Variants in GABRG3 observed in about 807,000 individuals in gnomAD.
GABRG3 encodes gamma-aminobutyric acid receptor subunit gamma-3.
A neutral mutation model predicts 48.8 loss-of-function variants in GABRG3; 25 were observed. The ratio of observed to expected loss-of-function variants is 0.51; its 90% confidence interval spans 0.37 to 0.72. GABRG3 has a LOEUF of 0.72. Ranked by LOEUF, GABRG3 falls within the 30% of genes least tolerant of loss-of-function variation. The pLI is 0.00. For synonymous variants in GABRG3, 227 were observed against 217.6 expected (o/e 1.04, Z -0.38); for missense variants, 394 against 577.9 (o/e 0.68, Z 3.26).
intron 3 of GABRG3, among the ~76,000 whole-genome samples, chr15:27,072,292 C>G (rs9330236): frequency 0.21 from 31,399 of 152,136 alleles, 3,400 homozygotes; most frequent in Middle Eastern, 0.27. Context: ...TTGTGAGGTA[C>G]ATCAACTTTG....
At chr15:27,342,174 C>T (rs139931178) in intron 5 of GABRG3, among the ~76,000 whole-genome samples, 10 of 152,340 alleles carry the variant, frequency 6.6e-5, no homozygotes, top group African/African-American at 2.2e-4. Context: ...GGCCAAAGAA[C>T]AGTGAGGATC....
chr15:27,085,591 C>T (rs1442528783), intron 3 of GABRG3, among the ~76,000 whole-genome samples: 1 of 152,142 alleles, frequency 6.6e-6, no homozygotes, highest in Non-Finnish European at 1.5e-5. Context: ...TAGAAGGTTG[C>T]TGTTTTCCCT....
intron 3 of GABRG3, among the ~76,000 whole-genome samples, chr15:27,239,026 G>A (rs1890059497): frequency 6.6e-6 from 1 of 152,196 alleles, no homozygotes; most frequent in Non-Finnish European, 1.5e-5. Flanking sequence ...GTGGAATGAA[G>A]CATTACAATG....
chr15:27,098,951 G>A (rs926361557), intron 3 of GABRG3, among the ~76,000 whole-genome samples: 4 of 152,022 alleles, frequency 2.6e-5, no homozygotes, highest in African/African-American at 9.7e-5. Context: ...GTGACCTTGG[G>A]ACTTAAGGGA....
intron 5 of GABRG3, among the ~76,000 whole-genome samples, chr15:27,413,617 T>A (rs983939912): frequency 6.6e-5 from 10 of 152,170 alleles, no homozygotes; most frequent in East Asian, 3.9e-4. Flanking sequence ...CCCTTTTTTT[T>A]AAAACTGCAT....
At chr15:27,113,957 T>C (rs1232156874) in intron 3 of GABRG3, among the ~76,000 whole-genome samples, 1 of 152,212 alleles carries the variant, frequency 6.6e-6, no homozygotes, top group African/African-American at 2.4e-5. Context: ...GACCAACATA[T>C]TTAAAAAATA....
chr15:27,366,620 C>G (rs552684573), intron 5 of GABRG3, among the ~76,000 whole-genome samples: 1 of 152,114 alleles, frequency 6.6e-6, no homozygotes, highest in African/African-American at 2.4e-5. Context: ...GGTTAAGGAA[C>G]GAACCCAAGC....
In GABRG3 at chr15:26,974,849, A is replaced by T. The variant is rs1319917246; in HGVS notation, c.54-2153A>T. ...ACACGAAATATTTTTTAAATTTATT[A>T]TTATTATTATTATTATTATTATTAT... On this transcript the variant is annotated intron_variant, in intron 1 of 9. Transcript: ENST00000615808. The surrounding 1 kb of genome is among the most constrained non-coding windows in gnomAD (Gnocchi z 4.3). Among the ~76,000 whole-genome samples the T allele has an allele frequency of 4.0e-5, 2 of 49,778 alleles. No homozygotes were observed. The highest frequency in any genetic ancestry group is 7.1e-5 in the Non-Finnish European group (2 of 28,060). The allele number at this position is 49,778 out of a possible 152,430, so 32.7% of individuals were successfully genotyped here.
rs17137642 is a variant in GABRG3, at chr15:27,150,710, G to A, written c.270+123889G>A. On this transcript the variant is annotated intron_variant, in intron 3 of 9. Transcript: ENST00000615808. Reference sequence around the variant, plus strand: ...ATTACCTGTGCACTTTGCCATTAGTGAGTACCTCACACAACTCGTTACTGG... The same window carrying A: ...ATTACCTGTGCACTTTGCCATTAGTAAGTACCTCACACAACTCGTTACTGG... 7.3e-3 allele frequency among the ~76,000 whole-genome samples: 1,116 copies of A among 152,332 alleles called. 14 individuals are homozygous for A. Among genetic ancestry groups the A allele is most frequent in the African/African-American group, 0.025 (1,047 of 41,568 alleles).
chr15:27,287,523 T>G (rs1447835101), intron 3 of GABRG3, among the ~76,000 whole-genome samples: 1 of 152,182 alleles, frequency 6.6e-6, no homozygotes, highest in African/African-American at 2.4e-5. Context: ...CAAATTACTT[T>G]GGAGCATAAT....
chr15:27,403,710 G>A (rs1183234179), intron 5 of GABRG3, among the ~76,000 whole-genome samples: 1 of 145,430 alleles, frequency 6.9e-6, no homozygotes, highest in Non-Finnish European at 1.5e-5. Flanking sequence ...GTCAGGAGAT[G>A]GAGACCAGCC....
chr15:27,163,726 T>A (rs1215653590), intron 3 of GABRG3, among the ~76,000 whole-genome samples: 1 of 152,176 alleles, frequency 6.6e-6, no homozygotes, highest in Non-Finnish European at 1.5e-5. Context: ...CCAGCCTGAG[T>A]GATTTCAATT....
chr15:27,307,804 CAT>C lies in GABRG3; in HGVS notation c.271-19003_271-19002del, dbSNP rs1212256352. ...TATATAAACATATATATAAAATAAACATAAACATATATAAAATAAACATAAAC... is the reference window on the plus strand; with the variant it reads ...TATATAAACATATATATAAAATAAACAAACATATATAAAATAAACATAAAC... On this transcript the variant is annotated intron_variant, in intron 3 of 9. Transcript: ENST00000615808. 3.9e-4 allele frequency among the ~76,000 whole-genome samples: 42 copies of C among 108,642 alleles called. 2 individuals carry two copies. The highest frequency in any genetic ancestry group is 1.6e-3 in the South Asian group (6 of 3,736). 71.3% of individuals were successfully genotyped at this position (108,642 alleles called of 152,430 possible).
chr15:27,077,663 G>A (rs1407166873), intron 3 of GABRG3, among the ~76,000 whole-genome samples: 2 of 152,144 alleles, frequency 1.3e-5, no homozygotes, highest in East Asian at 1.9e-4. Flanking sequence ...AGAAAATTGG[G>A]TAAAGATGGA....
intron 6 of GABRG3, among the ~76,000 whole-genome samples, chr15:27,491,618 T>C (rs1262954753): frequency 6.6e-6 from 1 of 152,222 alleles, no homozygotes; most frequent in Non-Finnish European, 1.5e-5. Context: ...AAGACCAGTA[T>C]ATACTTGTGT....
intron 3 of GABRG3, among the ~76,000 whole-genome samples, chr15:27,261,729 C>G (rs1051738440): frequency 2.0e-5 from 3 of 151,984 alleles, no homozygotes; most frequent in African/African-American, 7.3e-5. Flanking sequence ...TGGCGTATTT[C>G]CATCTGTGGG....
At chr15:27,458,536 A>G (rs950197004) in intron 5 of GABRG3, among the ~76,000 whole-genome samples, 1 of 152,144 alleles carries the variant, frequency 6.6e-6, no homozygotes, top group South Asian at 2.1e-4. Context: ...CTGCCTCGCA[A>G]TTTGAGGAGA....
At chr15:26,983,654 G>C (rs1211796985) in intron 2 of GABRG3, among the ~76,000 whole-genome samples, 2 of 152,008 alleles carry the variant, frequency 1.3e-5, no homozygotes, top group African/African-American at 2.4e-5. Flanking sequence ...CATGCCTGTG[G>C]TCCCAGCTAC....
chr15:27,372,802 CACTT>C (rs1481883750), intron 5 of GABRG3, among the ~76,000 whole-genome samples: 1 of 152,240 alleles, frequency 6.6e-6, no homozygotes, highest in African/African-American at 2.4e-5. Context: ...TCTTCATACT[CACTT>C]CCCTCCTGGT....
Sources: allele counts gnomAD v4.1 joint callset (sites outside exome capture counted in the v4.1 genomes callset), GRCh38; gene constraint gnomAD v4.1.1; non-coding constraint Gnocchi (gnomAD v3.1); transcripts MANE v1.5; gene names NCBI Gene and HGNC (gene_info 2026-07-23, HGNC 2026-07-21).